Variants in C3orf62 observed in about 807,000 individuals in gnomAD.
The protein encoded by C3orf62 is chromosome 3 open reading frame 62.
A neutral mutation model predicts 21.7 loss-of-function variants in C3orf62; 16 were observed. The observed-to-expected ratio is 0.74, with a 90% CI of 0.50 to 1.12. The LOEUF is 1.12. C3orf62 is among the 50% of genes most tolerant of loss of function. The pLI is 0.00. For synonymous variants in C3orf62, 114 were observed against 117.0 expected (o/e 0.97, Z 0.17); for missense variants, 310 against 318.8 (o/e 0.97, Z 0.21).
Position 49,271,283 on chromosome 3 carries a change from C to T in C3orf62, c.701G>A (p.Gly234Asp). ...SPQKATDADP[G>D]SLKQAFDDHN... Reference sequence around the variant, plus strand: ...ATCATCAAAAGCCTGTTTGAGGCTGCCAGGGTCAGCATCTGTGGCCTTCTG... The same window carrying T: ...ATCATCAAAAGCCTGTTTGAGGCTGTCAGGGTCAGCATCTGTGGCCTTCTG... The change falls in exon 3 of 3, where the codon GGC becomes GAC. Residue 234 changes from glycine to aspartate, a missense_variant. Coordinates refer to ENST00000343010, the MANE Select transcript of C3orf62 (RefSeq NM_198562.3). 6.2e-7 allele frequency: 1 copy of T among 1,614,164 alleles called. No individual in the cohort carries two copies.
In C3orf62 at chr3:49,277,046, G is replaced by T. The variant is rs894893310; in HGVS notation, c.-174C>A. On this transcript the variant is annotated 5_prime_UTR_variant, in exon 1 of 3. Coordinates refer to ENST00000343010, the MANE Select transcript of C3orf62 (RefSeq NM_198562.3). ...CGGAGGAACCCGCCATCTGCCAGAAGCCCCAAAGACGCCCCGCCCCACTTC... is the reference window on the plus strand; with the variant it reads ...CGGAGGAACCCGCCATCTGCCAGAATCCCCAAAGACGCCCCGCCCCACTTC... The T allele has an allele frequency of 6.8e-7, 1 of 1,468,250 alleles. No individual in the cohort carries two copies. The highest frequency in any genetic ancestry group is 1.4e-5 in the African/African-American group (1 of 71,282). 91.0% of individuals were successfully genotyped at this position (1,468,250 alleles called of 1,614,324 possible). A position where few individuals can be genotyped will look rare whatever the true frequency, so the allele number is the denominator to read the frequency against.
chr3:49,273,133 AAG>A (rs2046925821), intron 2 of C3orf62, among the ~76,000 whole-genome samples: 1 of 152,218 alleles, frequency 6.6e-6, no homozygotes, highest in African/African-American at 2.4e-5. Flanking sequence ...ATAAAAAGAT[AAG>A]AGTGTTTTGG....
At position 49,277,134 on chromosome 3, in the gene C3orf62, C is replaced by T; in HGVS notation, c.-262G>A. On this transcript the variant is annotated 5_prime_UTR_variant, in exon 1 of 3. Coordinates refer to ENST00000343010, the MANE Select transcript of C3orf62 (RefSeq NM_198562.3). ...CCCACCGCGGCTCCCAGGCCGCTGG[C>T]CCTACCGGCACCCCCCCTTTGGCGA... The T allele has an allele frequency of 1.4e-6, 2 of 1,460,694 alleles. No individual in the cohort carries two copies. Among genetic ancestry groups the T allele is most frequent in the East Asian group, 2.9e-5 (1 of 34,614 alleles). The allele number at this position is 1,460,694 out of a possible 1,614,324, so 90.5% of individuals were successfully genotyped here. A position where few individuals can be genotyped will look rare whatever the true frequency, so the allele number is the denominator to read the frequency against.
At chr3:49,275,519 G>GTTT (rs59375945) in intron 1 of C3orf62, among the ~76,000 whole-genome samples, 12,437 of 69,106 alleles carry the variant, frequency 0.18, 4,090 homozygotes, top group South Asian at 0.29. Context: ...GAACTTTGAA[G>GTTT]TTTTTTTTTT....
intron 1 of C3orf62, among the ~76,000 whole-genome samples, chr3:49,275,270 C>T (rs1394316384): frequency 6.6e-6 from 1 of 151,866 alleles, no homozygotes; most frequent in Non-Finnish European, 1.5e-5. Flanking sequence ...CGCGCCACCA[C>T]GCTCGGCTTA....
At chr3:49,276,002 G>T (rs575048870) in intron 1 of C3orf62, among the ~76,000 whole-genome samples, 1 of 152,194 alleles carries the variant, frequency 6.6e-6, no homozygotes, top group East Asian at 1.9e-4. Context: ...GTAGGGCCCA[G>T]CCTTCAATTA....
intron 1 of C3orf62, 102 bp downstream of exon 1, chr3:49,276,325 G>C (rs971343840): frequency 8.7e-7 from 1 of 1,147,402 alleles, no homozygotes; most frequent in South Asian, 1.5e-5. Flanking sequence ...GCCAAGAGGA[G>C]GCAAGAGCAC....
At position 49,271,032 on chromosome 3, in the gene C3orf62, G is replaced by A; in HGVS notation, c.*148C>T. The A allele has an allele frequency of 1.3e-6, 1 of 743,492 alleles. No homozygotes were observed. The highest frequency in any genetic ancestry group is 1.9e-5 in the South Asian group (1 of 51,720). The allele number at this position is 743,492 out of a possible 1,614,324, so 46.1% of individuals were successfully genotyped here. The stretch of plus-strand genomic sequence containing the variant: ...AAAACTGGTCTCACAGCTTAAAAAG[G>A]GACACAACTGGGATTTAAAAAGGGT... On this transcript the variant is annotated 3_prime_UTR_variant, in exon 3 of 3. Transcript: ENST00000343010.
chr3:49,275,526 T>TTG (rs2046948760), intron 1 of C3orf62, among the ~76,000 whole-genome samples: 1 of 89,910 alleles, frequency 1.1e-5, no homozygotes, highest in Admixed American at 1.2e-4. Context: ...GAAGTTTTTT[T>TTG]TTTTTTTTTT....
chr3:49,274,392 G>T, intron 1 of C3orf62: 1 of 404,634 alleles, frequency 2.5e-6, no homozygotes. Context: ...ACAGGGTTTA[G>T]CCATGTTGCC....
intron 2 of C3orf62, among the ~76,000 whole-genome samples, chr3:49,273,804 C>T (rs904046362): frequency 6.6e-6 from 1 of 152,038 alleles, no homozygotes; most frequent in Non-Finnish European, 1.5e-5. Flanking sequence ...TACCGGCGTG[C>T]ACCACCACGC....
chr3:49,272,458 ATATC>A (rs913938154), intron 2 of C3orf62, among the ~76,000 whole-genome samples: 9 of 151,284 alleles, frequency 5.9e-5, no homozygotes, highest in South Asian at 2.1e-4. Flanking sequence ...ATGCTATACT[ATATC>A]TATATTAACA....
In C3orf62 at chr3:49,274,032, T is replaced by G. The variant is rs1397932833; in HGVS notation, c.538+17A>C. The G allele has an allele frequency of 6.9e-6, 11 of 1,583,812 alleles. No homozygotes were observed. The highest frequency in any genetic ancestry group is 1.3e-5 in the African/African-American group (1 of 74,336). On this transcript the variant is annotated intron_variant, in intron 2 of 2. Coordinates refer to ENST00000343010, the MANE Select transcript of C3orf62 (RefSeq NM_198562.3). ...CTATCTTCCCAAGGACAGGATGGACTTGCCCACTGTACTCACCAATCATAT... is the reference window on the plus strand; with the variant it reads ...CTATCTTCCCAAGGACAGGATGGACGTGCCCACTGTACTCACCAATCATAT...
At position 49,271,213 on chromosome 3, in the gene C3orf62, A is replaced by G. The variant is rs765900011; in HGVS notation, c.771T>C (p.Asn257=). 5 of 1,613,760 alleles carry G rather than the reference A, an allele frequency of 3.1e-6. No individual in the cohort carries two copies. Among genetic ancestry groups the G allele is most frequent in the South Asian group, 1.1e-5 (1 of 91,078 alleles). ...ETVLDLEEDY[N]VMTSFKYQIE is the part of the protein sequence containing the mutation. ...TTTGGTATTTAAAAGACGTCATCAC[A>G]TTGTAGTCCTCTTCCAAGTCCAGAA... The change falls in exon 3 of 3, where the codon AAT becomes AAC. Residue 257 remains asparagine (N), a synonymous_variant. Transcript: ENST00000343010.
At position 49,274,149 on chromosome 3, in the gene C3orf62, C is replaced by G. The variant is rs1044791124; in HGVS notation, c.447-9G>C. The G allele has an allele frequency of 4.4e-6, 7 of 1,607,690 alleles. No homozygotes were observed. In the East Asian group the frequency reaches 1.6e-4, roughly 36 times the overall value. On this transcript the variant is annotated splice_polypyrimidine_tract_variant and intron_variant, in intron 1 of 2. Coordinates refer to ENST00000343010, the MANE Select transcript of C3orf62 (RefSeq NM_198562.3). ...CTCTCTCCATATCTTTCCTGCAGCCCCCAGGTGGGGGGGAAGAAAAGGTGG... is the reference window on the plus strand; with the variant it reads ...CTCTCTCCATATCTTTCCTGCAGCCGCCAGGTGGGGGGGAAGAAAAGGTGG...
chr3:49,272,562 T>G (rs1204393797), intron 2 of C3orf62, among the ~76,000 whole-genome samples: 1 of 139,854 alleles, frequency 7.2e-6, no homozygotes, highest in Non-Finnish European at 1.5e-5. Flanking sequence ...TTTTTTTTTT[T>G]GAGACAGAGT....
At chr3:49,271,803 C>T (rs1351045981) in intron 2 of C3orf62, among the ~76,000 whole-genome samples, 4 of 150,520 alleles carry the variant, frequency 2.7e-5, no homozygotes, top group Non-Finnish European at 5.9e-5. Flanking sequence ...CAGCCAGGAG[C>T]GGTGGTGTGT....
In C3orf62 at chr3:49,277,113, C is replaced by G. The variant is rs2046970512; in HGVS notation, c.-241G>C. ...CGCCCCGCCGCTGCCTCCCGCCCCA[C>G]CGCGGCTCCCAGGCCGCTGGCCCTA... is the stretch of plus-strand genomic sequence containing the variant. On this transcript the variant is annotated 5_prime_UTR_variant, in exon 1 of 3. Transcript: ENST00000343010. The G allele has an allele frequency of 2.0e-6, 3 of 1,477,286 alleles. No homozygotes were observed. The highest frequency in any genetic ancestry group is 2.7e-6 in the Non-Finnish European group (3 of 1,108,478). The allele number at this position is 1,477,286 out of a possible 1,614,324, so 91.5% of individuals were successfully genotyped here. A position where few individuals can be genotyped will look rare whatever the true frequency, so the allele number is the denominator to read the frequency against.
rs1376386563 is a variant in C3orf62 at position 49,276,541 on chromosome 3, C to G, written c.332G>C (p.Arg111Thr). Residue 111 changes from arginine (R) to threonine (T), a missense_variant, in exon 1 of 3, where the codon AGA becomes ACA. Transcript: ENST00000343010. Reference sequence around the variant, plus strand: ...ATTTTCCTTGCTGGTTAGAGGTTTTCTCTCGGGGCACAGAGCATGTGGTTT... The same window carrying G: ...ATTTTCCTTGCTGGTTAGAGGTTTTGTCTCGGGGCACAGAGCATGTGGTTT... ...NAKPHALCPE[R>T]KPLTSKENVL... The G allele has an allele frequency of 1.2e-6, 2 of 1,614,094 alleles. No homozygotes were observed. Among genetic ancestry groups the G allele is most frequent in the Non-Finnish European group, 1.7e-6 (2 of 1,180,056 alleles).
Sources: gnomAD v4.1 joint callset for allele counts (sites outside exome capture counted in the v4.1 genomes callset) on GRCh38, gnomAD v4.1.1 for gene constraint, MANE v1.5 for transcripts, NCBI Gene and HGNC (gene_info 2026-07-23, HGNC 2026-07-21) for gene names.